The following ITGA8 variants were observed in gnomAD, a reference collection of about 807,000 sequenced individuals.
ITGA8 encodes integrin alpha-8.
In ITGA8, 91 loss-of-function variants were observed where a neutral mutation model predicts 142.3. The observed-to-expected ratio is 0.64, with a 90% confidence interval of 0.54 to 0.76. The LOEUF is 0.76. Ranked by LOEUF, ITGA8 falls within the 30% of genes least tolerant of loss-of-function variation. The probability of loss-of-function intolerance (pLI) is 0.00; values close to 1 mark genes in which losing one functional copy is unlikely to be tolerated. For synonymous variants in ITGA8, 505 were observed against 485.2 expected (o/e 1.04, Z -0.54); for missense variants, 1,406 against 1,327.7 (o/e 1.06, Z -0.92).
At chr10:15,549,678 A>G (rs1458509549) in intron 26 of ITGA8, among the ~76,000 whole-genome samples, 2 of 152,226 alleles carry the variant, frequency 1.3e-5, no homozygotes, top group Admixed American at 1.3e-4. Context: ...CAAGCCCTCA[A>G]CATTGGCCTG....
At chr10:15,677,664 C>A in intron 5 of ITGA8, 27 bp from the exon 6 acceptor site, 1 of 1,602,056 alleles carries the variant, frequency 6.2e-7, no homozygotes, top group Non-Finnish European at 8.5e-7. Flanking sequence ...GCAACAGCAA[C>A]CATAATTGGA....
intron 13 of ITGA8, among the ~76,000 whole-genome samples, chr10:15,635,145 T>C (rs1318342429): frequency 6.6e-6 from 1 of 151,702 alleles, no homozygotes; most frequent in Non-Finnish European, 1.5e-5. Context: ...TAGCTGGGAC[T>C]ACAGGCACGT....
At chr10:15,541,004 A>G (rs1432073142) in intron 27 of ITGA8, among the ~76,000 whole-genome samples, 1 of 152,210 alleles carries the variant, frequency 6.6e-6, no homozygotes, top group Non-Finnish European at 1.5e-5. Flanking sequence ...AGAGTTCTGA[A>G]TAACTTGCCC....
At chr10:15,584,623 AATT>A (rs1832791894) in intron 23 of ITGA8, among the ~76,000 whole-genome samples, 1 of 152,214 alleles carries the variant, frequency 6.6e-6, no homozygotes, top group Non-Finnish European at 1.5e-5. Context: ...TCTGATCCTG[AATT>A]TCCACTTCTA....
intron 22 of ITGA8, among the ~76,000 whole-genome samples, chr10:15,591,512 C>T (rs900150181): frequency 1.3e-5 from 2 of 151,382 alleles, no homozygotes; most frequent in African/African-American, 4.9e-5. Flanking sequence ...ATTCCATTAC[C>T]CAGCCAATGG....
At chr10:15,711,830 A>T (rs1224236622) in intron 2 of ITGA8, among the ~76,000 whole-genome samples, 1 of 152,232 alleles carries the variant, frequency 6.6e-6, no homozygotes, top group Non-Finnish European at 1.5e-5. Context: ...GGTCTAGGAA[A>T]GTTTCTCAAT....
At chr10:15,621,510 T>C (rs1040094338) in intron 13 of ITGA8, among the ~76,000 whole-genome samples, 2 of 152,212 alleles carry the variant, frequency 1.3e-5, no homozygotes, top group African/African-American at 4.8e-5. Context: ...GTGCTTGGTT[T>C]GCAGAGTCTG....
chr10:15,556,016 CTCTTTTT>C lies in ITGA8; in HGVS notation c.2766+2051_2766+2057del, dbSNP rs1432912262. Among the ~76,000 whole-genome samples, 70 of 94,534 alleles carry C rather than the reference CTCTTTTT, an allele frequency of 7.4e-4. 1 individual carries two copies. Among genetic ancestry groups the C allele is most frequent in the African/African-American group, 1.4e-3 (34 of 25,174 alleles). The allele number at this position is 94,534 out of a possible 152,430, so 62.0% of individuals were successfully genotyped here. ...CGGTCTTCTGCCAGGGTCTCTCTCT[CTCTTTTT>C]TTTTTTTTTTTTTTTTTTTTTGAGA... On this transcript the variant is annotated intron_variant, in intron 26 of 29. Coordinates refer to ENST00000378076, the MANE Select transcript of ITGA8 (RefSeq NM_003638.3).
At chr10:15,676,231 A>G (rs541671421) in intron 6 of ITGA8, among the ~76,000 whole-genome samples, 31 of 152,258 alleles carry the variant, frequency 2.0e-4, no homozygotes, top group Admixed American at 1.2e-3. Flanking sequence ...CGTAAGGTCC[A>G]GATCTCAGTT....
intron 4 of ITGA8, among the ~76,000 whole-genome samples, chr10:15,679,322 T>C (rs1041490057): frequency 2.0e-5 from 3 of 152,152 alleles, no homozygotes; most frequent in African/African-American, 7.2e-5. Flanking sequence ...TGGTGGCTCA[T>C]GCCTGTAATC....
intron 12 of ITGA8, among the ~76,000 whole-genome samples, chr10:15,644,694 A>T (rs748644201): frequency 2.6e-4 from 40 of 151,258 alleles, no homozygotes; most frequent in Admixed American, 8.6e-4. Context: ...CTCAAAAAGC[A>T]GTATCGAAAC....
At chr10:15,667,163 T>C (rs949478550) in intron 8 of ITGA8, among the ~76,000 whole-genome samples, 1 of 152,204 alleles carries the variant, frequency 6.6e-6, no homozygotes, top group African/African-American at 2.4e-5. Context: ...TTTTTTTGGT[T>C]GGTAAGCTAT....
intron 11 of ITGA8, among the ~76,000 whole-genome samples, chr10:15,653,861 G>C (rs1180747118): frequency 2.7e-5 from 4 of 145,646 alleles, no homozygotes; most frequent in Non-Finnish European, 4.5e-5. Context: ...TTGAGACAGA[G>C]TCTCGCTCTG....
chr10:15,604,355 T>C lies in ITGA8; in HGVS notation c.1971A>G (p.Pro657=). The part of the protein sequence containing the change: ...CVPDLKLSAR[P]DKHQVIIGDE... Reference sequence around the variant, plus strand: ...CTCCAATGATTACCTGATGCTTATCTCTAAAAATGCAGTTTAAAAAGAAGG... The same window carrying C: ...CTCCAATGATTACCTGATGCTTATCCCTAAAAATGCAGTTTAAAAAGAAGG... The change falls in exon 20 of 30, where the codon CCA becomes CCG. Residue 657 remains proline (P), a splice_region_variant and synonymous_variant. Transcript: ENST00000378076. 8 of 1,605,662 alleles carry C rather than the reference T, an allele frequency of 5.0e-6. No homozygotes were observed. Among genetic ancestry groups the C allele is most frequent in the Non-Finnish European group, 6.8e-6 (8 of 1,176,932 alleles).
In ITGA8 at chr10:15,527,934, G is replaced by A. The variant is rs1334423233; in HGVS notation, c.2982+3116C>T. Among the ~76,000 whole-genome samples the A allele has an allele frequency of 3.5e-4, 4 of 11,270 alleles. No individual in the cohort carries two copies. The East Asian group carries it at 0.012, about 35-fold the overall frequency. 7.4% of individuals were successfully genotyped at this position (11,270 alleles called of 152,430 possible). On this transcript the variant is annotated intron_variant, in intron 28 of 29. Coordinates refer to ENST00000378076, the MANE Select transcript of ITGA8 (RefSeq NM_003638.3). ...TTTTTTTTTTTTTTTTTTTTTTTTT[G>A]AGACAGGTTCTTGCTCTGTTGCCCA...
At chr10:15,707,356 G>A (rs751341963) in intron 2 of ITGA8, among the ~76,000 whole-genome samples, 9 of 152,188 alleles carry the variant, frequency 5.9e-5, no homozygotes, top group Non-Finnish European at 1.2e-4. Context: ...AGATGTTGCT[G>A]CTTTTGACAA....
rs931182733 is a variant in ITGA8, at chr10:15,592,299, G to C, written c.2217C>G (p.Ser739=). 2 of 1,609,998 alleles carry C rather than the reference G, an allele frequency of 1.2e-6. No individual in the cohort carries two copies. Among genetic ancestry groups the C allele is most frequent in the South Asian group, 2.2e-5 (2 of 90,846 alleles). Residue 739 remains serine, a synonymous_variant, in exon 22 of 30, where the codon TCC becomes TCG. Transcript: ENST00000378076. ...GTGGAACTGCAAATCGGAGGCCCAG[G>C]GAATACTAAAAAATAAAATAAAATC... ...GNPMVSGTNY[S]LGLRFAVPRL...
chr10:15,537,400 C>T (rs996254375), intron 27 of ITGA8, among the ~76,000 whole-genome samples: 5 of 152,168 alleles, frequency 3.3e-5, no homozygotes, highest in African/African-American at 1.2e-4. Context: ...GCGAATTGTA[C>T]CCGTCTTTCC....
intron 11 of ITGA8, among the ~76,000 whole-genome samples, chr10:15,648,820 T>G (rs1373496708): frequency 6.6e-6 from 1 of 152,234 alleles, no homozygotes; most frequent in Non-Finnish European, 1.5e-5. Flanking sequence ...GTACTTCCTA[T>G]GTTTAAGGTA....
Sources: gnomAD v4.1 joint callset for allele counts (sites outside exome capture counted in the v4.1 genomes callset) on GRCh38, gnomAD v4.1.1 for gene constraint, MANE v1.5 for transcripts, NCBI Gene and HGNC (gene_info 2026-07-23, HGNC 2026-07-21) for gene names.